IQCJ: variants seen among roughly 807,000 people sequenced by gnomAD.
IQCJ encodes the protein IQ motif containing J.
In IQCJ, 9 loss-of-function variants were observed where a neutral mutation model predicts 11.0. The observed-to-expected ratio is 0.82, with a 90% confidence interval of 0.49 to 1.43. The LOEUF (loss-of-function observed/expected upper bound fraction) is 1.43. Ranked by LOEUF, IQCJ falls within the 40% of genes most tolerant of loss-of-function variation. The probability of loss-of-function intolerance (pLI) is 0.00; values close to 1 mark genes in which losing one functional copy is unlikely to be tolerated. For missense variants in IQCJ, 146 were observed against 133.2 expected (o/e 1.10, Z -0.47); for synonymous variants, 55 against 51.3 (o/e 1.07, Z -0.31).
At chr3:159,233,423 G>A (rs79118411) in intron 1 of IQCJ, among the ~76,000 whole-genome samples, 2,198 of 152,270 alleles carry the variant, frequency 0.014, 40 homozygotes, top group African/African-American at 0.05. Context: ...GAGGCCATTT[G>A]GCAAAACTGG....
intron 1 of IQCJ, among the ~76,000 whole-genome samples, chr3:159,111,994 C>T (rs1436279201): frequency 1.3e-5 from 2 of 151,964 alleles, no homozygotes; most frequent in Non-Finnish European, 1.5e-5. Flanking sequence ...TATAACCAGT[C>T]CATTTTGAGA....
chr3:159,179,391 C>G (rs1309548420), intron 1 of IQCJ, among the ~76,000 whole-genome samples: 1 of 152,090 alleles, frequency 6.6e-6, no homozygotes, highest in African/African-American at 2.4e-5. Flanking sequence ...TTATATCCAC[C>G]CTGATTCTTC....
chr3:159,241,854 A>C (rs1351243641), intron 1 of IQCJ, among the ~76,000 whole-genome samples: 1 of 152,214 alleles, frequency 6.6e-6, no homozygotes, highest in Non-Finnish European at 1.5e-5. Context: ...ACACAAATAC[A>C]TTAGGAAGTG....
chr3:159,115,767 T>C (rs1363702105), intron 1 of IQCJ, among the ~76,000 whole-genome samples: 1 of 152,130 alleles, frequency 6.6e-6, no homozygotes, highest in Non-Finnish European at 1.5e-5. Context: ...AAAAATGTTT[T>C]TTTTAAAAAA....
rs146833846 is a variant in IQCJ, at chr3:159,145,666, T to C, written c.9+76225T>C. On this transcript the variant is annotated intron_variant, in intron 1 of 3. Coordinates refer to ENST00000397832, the MANE Select transcript of IQCJ (RefSeq NM_001042706.3). The stretch of plus-strand genomic sequence containing the variant: ...GTATCCATAAATTTTAATCAATCAC[T>C]TATTTTTTCATCTCTCCAACTTTCT... 1.6e-4 allele frequency among the ~76,000 whole-genome samples: 25 copies of C among 152,258 alleles called. No individual in the cohort carries two copies. In the East Asian group the frequency reaches 3.5e-3, roughly 21 times the overall value.
intron 1 of IQCJ, among the ~76,000 whole-genome samples, chr3:159,196,549 G>A (rs73877547): frequency 0.012 from 1,784 of 152,290 alleles, 27 homozygotes; most frequent in African/African-American, 0.041. Context: ...AGCCACATTT[G>A]AGAACTGATG....
intron 1 of IQCJ, among the ~76,000 whole-genome samples, chr3:159,228,705 G>A (rs900941933): frequency 1.3e-5 from 2 of 151,886 alleles, no homozygotes; most frequent in Non-Finnish European, 2.9e-5. Flanking sequence ...GCAGGACAGT[G>A]GCCAGGAGAG....
At chr3:159,120,715 G>A (rs1368344198) in intron 1 of IQCJ, among the ~76,000 whole-genome samples, 1 of 152,194 alleles carries the variant, frequency 6.6e-6, no homozygotes, top group African/African-American at 2.4e-5. Context: ...TACAGGTAGG[G>A]AGTATGTTCT....
chr3:159,085,955 C>T (rs1716728634), intron 1 of IQCJ, among the ~76,000 whole-genome samples: 1 of 152,014 alleles, frequency 6.6e-6, no homozygotes, highest in Non-Finnish European at 1.5e-5. Context: ...GCTTTTGTTG[C>T]TATTGCTTTT....
At chr3:159,154,027 C>G (rs6801953) in intron 1 of IQCJ, among the ~76,000 whole-genome samples, 2,596 of 152,228 alleles carry the variant, frequency 0.017, 72 homozygotes, top group African/African-American at 0.06. Context: ...ATGAATTAGC[C>G]ATAATAAATC....
intron 1 of IQCJ, among the ~76,000 whole-genome samples, chr3:159,080,645 A>G (rs1716247245): frequency 6.6e-6 from 1 of 152,194 alleles, no homozygotes. Context: ...GTTTATTATT[A>G]CATTATTGGA....
chr3:159,203,405 G>A (rs1165200187), intron 1 of IQCJ, among the ~76,000 whole-genome samples: 1 of 151,368 alleles, frequency 6.6e-6, no homozygotes, highest in Non-Finnish European at 1.5e-5. Context: ...CTGGGTCTTA[G>A]GTCTTCTGGT....
At chr3:159,172,825 A>G (rs1243043921) in intron 1 of IQCJ, among the ~76,000 whole-genome samples, 1 of 152,078 alleles carries the variant, frequency 6.6e-6, no homozygotes, top group Non-Finnish European at 1.5e-5. Context: ...TGAATGATAG[A>G]GCATACAATG....
chr3:159,081,714 G>C (rs374606144), intron 1 of IQCJ, among the ~76,000 whole-genome samples: 1 of 151,808 alleles, frequency 6.6e-6, no homozygotes, highest in African/African-American at 2.4e-5. Context: ...CAGTCCTTCC[G>C]AATACGACTT....
chr3:159,225,497 TATC>T (rs1487769871), intron 1 of IQCJ, among the ~76,000 whole-genome samples: 1 of 152,168 alleles, frequency 6.6e-6, no homozygotes, highest in East Asian at 1.9e-4. Context: ...GTGATGTAAA[TATC>T]ATAACATTAT....
chr3:159,154,039 T>A (rs1190748761), intron 1 of IQCJ, among the ~76,000 whole-genome samples: 1 of 152,198 alleles, frequency 6.6e-6, no homozygotes, highest in Non-Finnish European at 1.5e-5. Flanking sequence ...TAATAAATCC[T>A]GTTGTTTGCC....
intron 3 of IQCJ, among the ~76,000 whole-genome samples, chr3:159,255,027 A>G (rs11923368): frequency 0.015 from 2,236 of 152,328 alleles, 50 homozygotes; most frequent in African/African-American, 0.051. Context: ...AACAGGGACA[A>G]TCTTGGGATA....
At chr3:159,251,527 C>T (rs1346265974) in intron 2 of IQCJ, among the ~76,000 whole-genome samples, 2 of 151,864 alleles carry the variant, frequency 1.3e-5, no homozygotes, top group Non-Finnish European at 2.9e-5. Flanking sequence ...TGGTGGGTCA[C>T]CACTGACCTT....
intron 1 of IQCJ, among the ~76,000 whole-genome samples, chr3:159,231,479 A>G (rs1037429003): frequency 1.3e-5 from 2 of 152,194 alleles, no homozygotes; most frequent in African/African-American, 4.8e-5. Flanking sequence ...AAATAATAAA[A>G]TTAAGCTTGT....
Sources: allele counts gnomAD v4.1 joint callset (sites outside exome capture counted in the v4.1 genomes callset), GRCh38; gene constraint gnomAD v4.1.1; transcripts MANE v1.5; gene names NCBI Gene and HGNC (gene_info 2026-07-23, HGNC 2026-07-21).